RBFOX1: variants seen among roughly 807,000 people sequenced by gnomAD.
The protein encoded by RBFOX1 is RNA binding fox-1 homolog 1.
A neutral mutation model predicts 57.7 loss-of-function variants in RBFOX1; 8 were observed. The ratio of observed to expected loss-of-function variants is 0.14; its 90% CI spans 0.08 to 0.25. The LOEUF is 0.25. Ranked by LOEUF, RBFOX1 falls within the 10% of genes least tolerant of loss-of-function variation. RBFOX1 has a pLI of 1.00. For missense variants in RBFOX1, 611 were observed against 548.5 expected, an observed-to-expected ratio of 1.11 and a Z score of -1.14; for synonymous variants, 326 against 222.4, an observed-to-expected ratio of 1.47 and a Z score of -4.15.
At chr16:7,259,680 G>A (rs1323135400) in intron 4 of RBFOX1, among the ~76,000 whole-genome samples, 2 of 152,090 alleles carry the variant, frequency 1.3e-5, no homozygotes, top group Non-Finnish European at 2.9e-5. Flanking sequence ...AACTTGAGAG[G>A]TGACTGTTTT....
At chr16:5,860,311 G>A (rs902654261) in intron 3 of RBFOX1, among the ~76,000 whole-genome samples, 1 of 152,114 alleles carries the variant, frequency 6.6e-6, no homozygotes, top group South Asian at 2.1e-4. Flanking sequence ...AGGAGACCTC[G>A]TGATCCACCC....
chr16:7,022,356 G>A (rs1303361098), intron 3 of RBFOX1, among the ~76,000 whole-genome samples: 5 of 151,712 alleles, frequency 3.3e-5, no homozygotes, highest in African/African-American at 4.8e-5. Context: ...GCACCTGGCC[G>A]TGAACCCCAT....
intron 4 of RBFOX1, among the ~76,000 whole-genome samples, chr16:7,095,197 C>T (rs2151211428): frequency 6.6e-6 from 1 of 152,246 alleles, no homozygotes; most frequent in South Asian, 2.1e-4. Flanking sequence ...AGTGCAGTGG[C>T]ACGATCTCAG....
Position 6,578,027 on chromosome 16 carries a change from T to A in RBFOX1, c.-63-76576T>A, listed in dbSNP as rs1274016749. 3.9e-5 allele frequency among the ~76,000 whole-genome samples: 6 copies of A among 152,232 alleles called. No homozygotes were observed. The South Asian group carries it at 1.0e-3, about 26-fold the overall frequency. On this transcript the variant is annotated intron_variant, in intron 2 of 15. Transcript: ENST00000550418. ...GTGTCACCCAACAGTGCTTATTTCA[T>A]TGAAGAGCCATTTCTAAAATTACTT...
At chr16:6,055,259 G>A (rs1165522162) in intron 1 of RBFOX1, among the ~76,000 whole-genome samples, 1 of 152,020 alleles carries the variant, frequency 6.6e-6, no homozygotes, top group Non-Finnish European at 1.5e-5. Flanking sequence ...ATGCACTTGT[G>A]TCAAGTGAGT....
chr16:6,306,194 T>C (rs752492552), intron 1 of RBFOX1, among the ~76,000 whole-genome samples: 1 of 152,188 alleles, frequency 6.6e-6, no homozygotes, highest in Non-Finnish European at 1.5e-5. Context: ...TGTATAGTTA[T>C]AGCTGAGATA....
intron 2 of RBFOX1, among the ~76,000 whole-genome samples, chr16:6,392,907 C>A (rs1043236325): frequency 1.3e-5 from 2 of 152,182 alleles, no homozygotes; most frequent in African/African-American, 2.4e-5. Flanking sequence ...GAAGGATAAA[C>A]CATATGACCC....
At chr16:7,333,012 C>T in intron 4 of RBFOX1, 4 of 1,613,752 alleles carry the variant, frequency 2.5e-6, no homozygotes, top group Non-Finnish European at 3.4e-6. Flanking sequence ...ATGCTGGCGT[C>T]TCAAGGAGTT....
chr16:6,766,949 C>G (rs1258803301), intron 3 of RBFOX1, among the ~76,000 whole-genome samples: 2 of 152,176 alleles, frequency 1.3e-5, no homozygotes, highest in African/African-American at 4.8e-5. Flanking sequence ...GGTACTAGCC[C>G]TTGGTAAGTC....
At chr16:5,420,579 G>T (rs541825208) in intron 1 of RBFOX1, among the ~76,000 whole-genome samples, 3 of 152,082 alleles carry the variant, frequency 2.0e-5, no homozygotes, top group Non-Finnish European at 4.4e-5. Context: ...TGCAATCATG[G>T]CCCACTGCAA....
At chr16:7,352,428 G>A (rs183800585) in intron 4 of RBFOX1, among the ~76,000 whole-genome samples, 7 of 152,272 alleles carry the variant, frequency 4.6e-5, no homozygotes, top group Admixed American at 2.6e-4. Flanking sequence ...GTGGGAATGC[G>A]TAGCTATTGC....
intron 3 of RBFOX1, among the ~76,000 whole-genome samples, chr16:6,784,239 C>T (rs1348657963): frequency 6.6e-6 from 1 of 152,000 alleles, no homozygotes; most frequent in African/African-American, 2.4e-5. Context: ...TCTTCAAGGC[C>T]AGTGACTCTT....
intron 2 of RBFOX1, among the ~76,000 whole-genome samples, chr16:6,462,474 C>A (rs377186691): frequency 1.3e-5 from 2 of 152,126 alleles, no homozygotes; most frequent in Non-Finnish European, 2.9e-5. Flanking sequence ...AGTATGGATG[C>A]GTCACTATTT....
intron 2 of RBFOX1, among the ~76,000 whole-genome samples, chr16:5,570,449 C>T (rs2046242391): frequency 1.3e-5 from 2 of 152,132 alleles, no homozygotes; most frequent in Non-Finnish European, 2.9e-5. Flanking sequence ...AGGTCCCTGG[C>T]AAGCATTTGA....
chr16:6,497,481 CT>C (rs1567444754), intron 2 of RBFOX1, among the ~76,000 whole-genome samples: 1 of 152,016 alleles, frequency 6.6e-6, no homozygotes, highest in African/African-American at 2.4e-5. Context: ...AGAAGAACAG[CT>C]CTTCAAAATG....
At chr16:6,410,471 A>C (rs2795540) in intron 2 of RBFOX1, among the ~76,000 whole-genome samples, 81,536 of 151,290 alleles carry the variant, frequency 0.54, 22,170 homozygotes, top group African/African-American at 0.58. Context: ...GCCACAATGC[A>C]CGGCTAATTT....
At chr16:7,270,304 C>G (rs550941672) in intron 4 of RBFOX1, among the ~76,000 whole-genome samples, 1 of 152,314 alleles carries the variant, frequency 6.6e-6, no homozygotes, top group Admixed American at 6.5e-5. Context: ...CTGGAAGCAT[C>G]TGTCTGGTTT....
chr16:5,842,899 A>G (rs1213522626), intron 3 of RBFOX1, among the ~76,000 whole-genome samples: 1 of 151,934 alleles, frequency 6.6e-6, no homozygotes. Flanking sequence ...GCTCACTGCA[A>G]CCTCCGCCTC....
chr16:7,228,035 T>G (rs1196766116), intron 4 of RBFOX1, among the ~76,000 whole-genome samples: 2 of 152,046 alleles, frequency 1.3e-5, no homozygotes, highest in East Asian at 1.9e-4. Context: ...CCCACCAGGT[T>G]GTGATGACCC....
Sources: allele counts gnomAD v4.1 joint callset (sites outside exome capture counted in the v4.1 genomes callset), GRCh38; gene constraint gnomAD v4.1.1; transcripts MANE v1.5; gene names NCBI Gene and HGNC (gene_info 2026-07-23, HGNC 2026-07-21).